JAKMIP1: variants seen among roughly 807,000 people sequenced by gnomAD.
JAKMIP1 encodes janus kinase and microtubule-interacting protein 1.
In JAKMIP1, 33 loss-of-function variants were observed where a neutral mutation model predicts 113.0. The observed-to-expected ratio is 0.29, with a 90% CI of 0.22 to 0.39. The LOEUF is 0.39. Among genes scored for constraint, JAKMIP1 ranks in the 10% least tolerant of loss-of-function variants. The pLI, the probability that JAKMIP1 is intolerant of heterozygous loss-of-function variation, is 1.00. For synonymous variants in JAKMIP1, 480 were observed against 459.9 expected, an observed-to-expected ratio of 1.04 and a Z score of -0.56; for missense variants, 813 against 1,080.5, an observed-to-expected ratio of 0.75 and a Z score of 3.47.
chr4:6,132,191 T>C (rs1044292093), intron 1 of JAKMIP1, among the ~76,000 whole-genome samples: 1 of 152,234 alleles, frequency 6.6e-6, no homozygotes, highest in East Asian at 1.9e-4. Context: ...AGTTATGAGA[T>C]GCTTCCACTA....
chr4:6,070,649 C>T (rs780102153), intron 8 of JAKMIP1, among the ~76,000 whole-genome samples: 2 of 152,358 alleles, frequency 1.3e-5, no homozygotes, highest in African/African-American at 2.4e-5. Context: ...GGCAACGCCA[C>T]GATAGATTCT....
intron 1 of JAKMIP1, among the ~76,000 whole-genome samples, chr4:6,198,944 C>T (rs1461630593): frequency 6.6e-6 from 1 of 152,218 alleles, no homozygotes; most frequent in African/African-American, 2.4e-5. Context: ...GGGTGGAGCC[C>T]TGGGAGAGGG....
intron 2 of JAKMIP1, among the ~76,000 whole-genome samples, chr4:6,109,448 C>A (rs1218737760): frequency 1.3e-5 from 2 of 151,830 alleles, no homozygotes; most frequent in Non-Finnish European, 2.9e-5. Flanking sequence ...TCTTATAATG[C>A]CAGAAAGTAA....
chr4:6,089,314 A>G lies in JAKMIP1; in HGVS notation c.625-3685T>C, dbSNP rs1412208219. Among the ~76,000 whole-genome samples the G allele has an allele frequency of 6.6e-6, 1 of 152,244 alleles. No homozygotes were observed. Among genetic ancestry groups the G allele is most frequent in the African/African-American group, 2.4e-5 (1 of 41,470 alleles). On this transcript the variant is annotated intron_variant, in intron 3 of 20. Transcript: ENST00000409021. This position sits in a 1 kb window ranked among gnomAD's most constrained non-coding sequence, Gnocchi z 5.3. ...CCCATGGCCTAAGCTGGTTTGATGG[A>G]ATTTCTGTCACTTGCGACCAAAAGA...
intron 3 of JAKMIP1, among the ~76,000 whole-genome samples, chr4:6,095,402 C>A (rs1336604189): frequency 5.9e-5 from 9 of 152,082 alleles, no homozygotes; most frequent in African/African-American, 4.8e-5. Flanking sequence ...AAAAATACAA[C>A]AAAGAACAGA....
rs182585023 is a variant in JAKMIP1, at chr4:6,156,598, G to C, written c.-147-43601C>G. Among the ~76,000 whole-genome samples, 161 of 152,346 alleles carry C rather than the reference G, an allele frequency of 1.1e-3. No individual in the cohort carries two copies. The highest frequency in any genetic ancestry group is 6.8e-3 in the Middle Eastern group (2 of 294). Reference sequence around the variant, plus strand: ...TGGTGACCCAGGGCTTAGCTACTGAGATGCAACTCAAAGATCTGATGCATG... The same window carrying C: ...TGGTGACCCAGGGCTTAGCTACTGACATGCAACTCAAAGATCTGATGCATG... On this transcript the variant is annotated intron_variant, in intron 1 of 20. Transcript: ENST00000409021. This position sits in a 1 kb window ranked among gnomAD's most constrained non-coding sequence, Gnocchi z 5.0.
At chr4:6,055,199 T>G (rs185335263) in intron 12 of JAKMIP1, among the ~76,000 whole-genome samples, 18 of 151,908 alleles carry the variant, frequency 1.2e-4, no homozygotes, top group Admixed American at 1.2e-3. Context: ...TGCACTTACT[T>G]GCAACATCCA....
At chr4:6,048,972 C>T (rs1009942602) in intron 15 of JAKMIP1, 50 bp from the exon 16 acceptor site, 16 of 1,403,774 alleles carry the variant, frequency 1.1e-5, no homozygotes, top group Middle Eastern at 1.8e-4. Context: ...CCCAAATCCA[C>T]GTGCAGACAG....
Position 6,049,627 on chromosome 4 carries a change from T to C in JAKMIP1, c.1962+192A>G, listed in dbSNP as rs1292868031. 6.6e-6 allele frequency among the ~76,000 whole-genome samples: 1 copy of C among 151,872 alleles called. No individual in the cohort carries two copies. Among genetic ancestry groups the C allele is most frequent in the Non-Finnish European group, 1.5e-5 (1 of 68,004 alleles). ...CTCAACAGGCCAGGGGAATCTAACTTCGGAACCCCACTTCTGACGAATGCC... is the reference window on the plus strand; with the variant it reads ...CTCAACAGGCCAGGGGAATCTAACTCCGGAACCCCACTTCTGACGAATGCC... On this transcript the variant is annotated intron_variant, in intron 15 of 20. Coordinates refer to ENST00000409021, the MANE Select transcript of JAKMIP1 (RefSeq NM_001099433.2). This position sits in a 1 kb window ranked among gnomAD's most constrained non-coding sequence, Gnocchi z 7.0.
At position 6,106,100 on chromosome 4, in the gene JAKMIP1, A is replaced by AT; in HGVS notation, c.130-134dup. ...CCCACCTGGGCCCACGTTCCCATGG[A>AT]TTCCCCCTTCGGCAGTGCCCTGCAG... On this transcript the variant is annotated intron_variant, in intron 2 of 20. Coordinates refer to ENST00000409021, the MANE Select transcript of JAKMIP1 (RefSeq NM_001099433.2). The surrounding 1 kb of genome is among the most constrained non-coding windows in gnomAD (Gnocchi z 5.9). The AT allele has an allele frequency of 1.6e-6, 1 of 629,424 alleles. No homozygotes were observed. Among genetic ancestry groups the AT allele is most frequent in the African/African-American group, 1.8e-5 (1 of 54,328 alleles). The allele number at this position is 629,424 out of a possible 1,614,324, so 39.0% of individuals were successfully genotyped here.
chr4:6,082,575 C>T (rs954931787), intron 5 of JAKMIP1, among the ~76,000 whole-genome samples: 2 of 151,992 alleles, frequency 1.3e-5, no homozygotes, highest in African/African-American at 2.4e-5. Flanking sequence ...GTGATTTCAG[C>T]TCACTGCAGC....
rs1315184680 is a variant in JAKMIP1 at position 6,050,881 on chromosome 4, G to A, written c.1807-202C>T. Among the ~76,000 whole-genome samples, 1 of 152,180 alleles carries A rather than the reference G, an allele frequency of 6.6e-6. No homozygotes were observed. The highest frequency in any genetic ancestry group is 1.5e-5 in the Non-Finnish European group (1 of 68,044). On this transcript the variant is annotated intron_variant, in intron 13 of 20. Coordinates refer to ENST00000409021, the MANE Select transcript of JAKMIP1 (RefSeq NM_001099433.2). This position sits in a 1 kb window ranked among gnomAD's most constrained non-coding sequence, Gnocchi z 7.4. ...ACGCAGCAGTTCTCCATGGAAATGT[G>A]TTTACTTCTTCCCTATTCATCTAGG...
At position 6,081,690 on chromosome 4, in the gene JAKMIP1, G is replaced by C; in HGVS notation, c.1020C>G (p.Asn340Lys). Residue 340 changes from asparagine (N) to lysine (K), a missense_variant, in exon 6 of 21, where the codon AAC (asparagine) becomes AAG (lysine). By Grantham distance (94) the Asn-to-Lys change is moderately conservative (BLOSUM62 0). Coordinates refer to ENST00000409021, the MANE Select transcript of JAKMIP1 (RefSeq NM_001099433.2). The surrounding 1 kb of genome is among the most constrained non-coding windows in gnomAD (Gnocchi z 4.6). ...TCTGCAACAGATCCTCATTCTTCTT[G>C]TTCATCCGCTTGTTCTTCTCCACCA... Reference protein sequence around the residue: ...KPLVEKNKRMNKKNEDLLQSI... With the variant: ...KPLVEKNKRMKKKNEDLLQSI... 1 of 1,614,122 alleles carries C rather than the reference G, an allele frequency of 6.2e-7. No homozygotes were observed. The highest frequency in any genetic ancestry group is 8.5e-7 in the Non-Finnish European group (1 of 1,180,022).
chr4:6,027,548 T>C (rs1437344517), intron 20 of JAKMIP1, among the ~76,000 whole-genome samples: 1 of 152,180 alleles, frequency 6.6e-6, no homozygotes, highest in South Asian at 2.1e-4. Context: ...CAGGCCCCGA[T>C]GCCTGTAAGG....
At position 6,138,647 on chromosome 4, in the gene JAKMIP1, C is replaced by T. The variant is rs1000555198; in HGVS notation, c.-147-25650G>A. Among the ~76,000 whole-genome samples, 1 of 152,162 alleles carries T rather than the reference C, an allele frequency of 6.6e-6. No individual in the cohort carries two copies. On this transcript the variant is annotated intron_variant, in intron 1 of 20. Transcript: ENST00000409021. The surrounding 1 kb of genome is among the most constrained non-coding windows in gnomAD (Gnocchi z 6.0). ...TACAGACAGACCCTCCACACACCTA[C>T]ATCCACTGGCAGAACTTCACGTTCT... is the stretch of plus-strand genomic sequence containing the variant.
At position 6,047,715 on chromosome 4, in the gene JAKMIP1, C is replaced by T. The variant is rs78449355; in HGVS notation, c.2028+1142G>A. The stretch of plus-strand genomic sequence containing the variant: ...GGAAACTATTTCTATTTTAAATGCC[C>T]TTCCAGCAATTCTGGAAAGAATCCC... On this transcript the variant is annotated intron_variant, in intron 16 of 20. Transcript: ENST00000409021. Among the ~76,000 whole-genome samples, 679 of 152,310 alleles carry T rather than the reference C, an allele frequency of 4.5e-3. 4 individuals are homozygous for T. Among genetic ancestry groups the T allele is most frequent in the African/African-American group, 0.015 (616 of 41,552 alleles).
At chr4:6,063,899 G>A (rs1019132263) in intron 9 of JAKMIP1, among the ~76,000 whole-genome samples, 2 of 152,242 alleles carry the variant, frequency 1.3e-5, no homozygotes, top group Admixed American at 1.3e-4. Flanking sequence ...GTGGGGTGCA[G>A]CACAGCAAGG....
In JAKMIP1 at chr4:6,199,095, A is replaced by T. The variant is rs1363805812; in HGVS notation, c.-148+1158T>A. Among the ~76,000 whole-genome samples the T allele has an allele frequency of 1.3e-5, 2 of 152,250 alleles. No individual in the cohort carries two copies. The highest frequency in any genetic ancestry group is 2.9e-5 in the Non-Finnish European group (2 of 68,048). On this transcript the variant is annotated intron_variant, in intron 1 of 20. Coordinates refer to ENST00000409021, the MANE Select transcript of JAKMIP1 (RefSeq NM_001099433.2). The surrounding 1 kb of genome is among the most constrained non-coding windows in gnomAD (Gnocchi z 5.6). ...CAAGGGGATCTCCCTGACTACAAGGAGCTGGCCAGCTGAAGTTAGGGCGTT... is the reference window on the plus strand; with the variant it reads ...CAAGGGGATCTCCCTGACTACAAGGTGCTGGCCAGCTGAAGTTAGGGCGTT...
chr4:6,083,564 G>A (rs188595431), intron 5 of JAKMIP1, among the ~76,000 whole-genome samples: 1 of 149,326 alleles, frequency 6.7e-6, no homozygotes, highest in Admixed American at 6.7e-5. Context: ...ATATTTAAAT[G>A]AAGAGTAGAG....
Sources: allele counts gnomAD v4.1 joint callset (sites outside exome capture counted in the v4.1 genomes callset), GRCh38; gene constraint gnomAD v4.1.1; non-coding constraint Gnocchi (gnomAD v3.1); transcripts MANE v1.5; gene names NCBI Gene and HGNC (gene_info 2026-07-23, HGNC 2026-07-21).